The following GRIN2A variants were observed in gnomAD, a reference collection of about 807,000 sequenced individuals.
GRIN2A encodes glutamate ionotropic receptor NMDA type subunit 2A.
Under a neutral mutation model 113.4 loss-of-function variants are expected in GRIN2A, and 22 were observed. That is an observed-to-expected ratio of 0.19 (90% CI 0.14 to 0.28). The LOEUF is 0.28. GRIN2A is among the 10% of genes least tolerant of loss of function. GRIN2A has a pLI of 1.00. For missense variants in GRIN2A, 1,502 were observed against 1,887.0 expected (o/e 0.80, Z 3.78); for synonymous variants, 827 against 738.4 (o/e 1.12, Z -1.94).
chr16:10,072,746 T>A (rs1262794573), intron 2 of GRIN2A, among the ~76,000 whole-genome samples: 4 of 152,144 alleles, frequency 2.6e-5, no homozygotes, highest in African/African-American at 9.7e-5. Context: ...AAATTTAGAT[T>A]CAGTATTTCT....
chr16:10,015,252 C>CAAAAAAAAAAAAAAAAAAAAAA (rs200124835), intron 2 of GRIN2A, among the ~76,000 whole-genome samples: 17 of 19,288 alleles, frequency 8.8e-4, no homozygotes, highest in African/African-American at 1.4e-3. Flanking sequence ...GACTTCATCT[C>CAAAAAAAAAAAAAAAAAAAAAA]AAAAAAAAAA....
rs76854632 is a variant in GRIN2A, at chr16:9,930,629, C to T, written c.1007+7330G>A. The stretch of plus-strand genomic sequence containing the variant: ...TGTTTGTTGAGCATATGGTGATCTC[C>T]CAGATAAATATTTGCAAAGAGTTAA... On this transcript the variant is annotated intron_variant, in intron 3 of 12. Coordinates refer to ENST00000330684, the MANE Select transcript of GRIN2A (RefSeq NM_001134407.3). Among the ~76,000 whole-genome samples, 1,514 of 152,220 alleles carry T rather than the reference C, an allele frequency of 9.9e-3. 38 individuals are homozygous for T. Among genetic ancestry groups the T allele is most frequent in the African/African-American group, 0.035 (1,437 of 41,520 alleles).
At chr16:10,090,372 G>A (rs932774692) in intron 2 of GRIN2A, among the ~76,000 whole-genome samples, 1 of 152,118 alleles carries the variant, frequency 6.6e-6, no homozygotes, top group Non-Finnish European at 1.5e-5. Context: ...TGAACGTTTA[G>A]AAATAAGCTC....
chr16:9,892,725 C>T (rs946373718), intron 3 of GRIN2A, among the ~76,000 whole-genome samples: 17 of 152,026 alleles, frequency 1.1e-4, no homozygotes, highest in Admixed American at 2.6e-4. Context: ...TCCCAGATTT[C>T]GGGTGAGAGG....
chr16:9,808,855 A>G (rs948912518), intron 10 of GRIN2A, among the ~76,000 whole-genome samples: 8 of 152,188 alleles, frequency 5.3e-5, no homozygotes, highest in African/African-American at 1.9e-4. Flanking sequence ...AGAGGTACAC[A>G]GAGGACTCCC....
chr16:10,110,772 G>T (rs1274734124), intron 2 of GRIN2A, among the ~76,000 whole-genome samples: 1 of 152,196 alleles, frequency 6.6e-6, no homozygotes, highest in Non-Finnish European at 1.5e-5. Flanking sequence ...GCTCAACACA[G>T]ATGATGTCAG....
intron 2 of GRIN2A, among the ~76,000 whole-genome samples, chr16:10,079,270 GAAAT>G (rs1253679029): frequency 1.3e-5 from 2 of 152,220 alleles, no homozygotes; most frequent in Non-Finnish European, 2.9e-5. Context: ...GGCTGTGAAA[GAAAT>G]AAAGTGCAAG....
At chr16:9,971,792 G>A (rs565416328) in intron 2 of GRIN2A, among the ~76,000 whole-genome samples, 2 of 151,530 alleles carry the variant, frequency 1.3e-5, no homozygotes, top group African/African-American at 4.9e-5. Flanking sequence ...CACCCAAACA[G>A]GTAAAAAATT....
intron 2 of GRIN2A, among the ~76,000 whole-genome samples, chr16:9,970,104 G>C (rs1222073369): frequency 1.3e-5 from 2 of 152,130 alleles, no homozygotes; most frequent in Non-Finnish European, 2.9e-5. Context: ...CCAAGCATTG[G>C]GATCCCTAAT....
At chr16:10,039,135 C>A (rs969794664) in intron 2 of GRIN2A, among the ~76,000 whole-genome samples, 2 of 152,146 alleles carry the variant, frequency 1.3e-5, no homozygotes, top group African/African-American at 4.8e-5. Context: ...CCTCCCACCC[C>A]CCAATGTCCC....
At chr16:10,170,064 G>T (rs1596575318) in intron 2 of GRIN2A, among the ~76,000 whole-genome samples, 3 of 152,092 alleles carry the variant, frequency 2.0e-5, no homozygotes, top group South Asian at 4.2e-4. Context: ...CCTAGATATG[G>T]GATAACAGAG....
intron 2 of GRIN2A, among the ~76,000 whole-genome samples, chr16:10,161,561 G>T (rs534804869): frequency 6.6e-6 from 1 of 152,202 alleles, no homozygotes; most frequent in African/African-American, 2.4e-5. Flanking sequence ...AGGCCACAAA[G>T]GGCACAGCCT....
At chr16:9,925,236 T>G (rs2044437258) in intron 3 of GRIN2A, among the ~76,000 whole-genome samples, 2 of 152,206 alleles carry the variant, frequency 1.3e-5, no homozygotes, top group African/African-American at 4.8e-5. Context: ...CTACAGCTAA[T>G]TATTTCTCCA....
At chr16:10,062,890 A>G (rs2047572647) in intron 2 of GRIN2A, among the ~76,000 whole-genome samples, 1 of 152,052 alleles carries the variant, frequency 6.6e-6, no homozygotes, top group Non-Finnish European at 1.5e-5. Context: ...AGAAGAAAAG[A>G]AAAACATTGG....
chr16:10,007,631 T>G (rs535200039), intron 2 of GRIN2A, among the ~76,000 whole-genome samples: 1 of 152,192 alleles, frequency 6.6e-6, no homozygotes, highest in Non-Finnish European at 1.5e-5. Flanking sequence ...TTTAACCTGA[T>G]GTGATCCCAT....
chr16:10,166,596 A>G (rs762749919), intron 2 of GRIN2A, among the ~76,000 whole-genome samples: 8 of 152,208 alleles, frequency 5.3e-5, no homozygotes, highest in Non-Finnish European at 1.0e-4. Context: ...GAATACAATC[A>G]TACTGCACTT....
At chr16:10,070,711 G>T (rs1304772629) in intron 2 of GRIN2A, among the ~76,000 whole-genome samples, 1 of 152,082 alleles carries the variant, frequency 6.6e-6, no homozygotes, top group Non-Finnish European at 1.5e-5. Flanking sequence ...ACTCCTGTGT[G>T]GACCTCTGGG....
chr16:10,173,390 C>A (rs1471260729), intron 2 of GRIN2A, among the ~76,000 whole-genome samples: 1 of 152,224 alleles, frequency 6.6e-6, no homozygotes, highest in Non-Finnish European at 1.5e-5. Flanking sequence ...CTCAGCAGTT[C>A]TCTACAGGCC....
intron 2 of GRIN2A, among the ~76,000 whole-genome samples, chr16:10,102,486 C>G (rs937182945): frequency 6.6e-6 from 1 of 152,212 alleles, no homozygotes; most frequent in Non-Finnish European, 1.5e-5. Flanking sequence ...CCAATTAAAC[C>G]TCTCTTCTTT....
Sources: gnomAD v4.1 joint callset for allele counts (sites outside exome capture counted in the v4.1 genomes callset) on GRCh38, gnomAD v4.1.1 for gene constraint, MANE v1.5 for transcripts, NCBI Gene and HGNC (gene_info 2026-07-23, HGNC 2026-07-21) for gene names.